The following KAZN variants were observed in gnomAD, a reference collection of about 807,000 sequenced individuals.
KAZN encodes the protein kazrin, periplakin interacting protein.
KAZN carries 40 observed loss-of-function variants against 87.4 expected under a neutral mutation model. That is an observed-to-expected ratio of 0.46 (90% CI 0.36 to 0.60). The LOEUF (loss-of-function observed/expected upper bound fraction) is 0.60, where lower values mean the gene tolerates loss of function less well. Among genes scored for constraint, KAZN ranks in the 20% least tolerant of loss-of-function variants. The probability of loss-of-function intolerance (pLI) is 0.00; values close to 1 mark genes in which losing one functional copy is unlikely to be tolerated. For missense variants in KAZN, 898 were observed against 1,073.9 expected (o/e 0.84, Z 2.29); for synonymous variants, 466 against 458.3 (o/e 1.02, Z -0.22).
chr1:13,925,110 C>G (rs1244468058), intron 1 of KAZN, among the ~76,000 whole-genome samples: 1 of 152,192 alleles, frequency 6.6e-6, no homozygotes, highest in Non-Finnish European at 1.5e-5. Context: ...CGGGCGACCA[C>G]TCATCTGCTT....
intron 2 of KAZN, among the ~76,000 whole-genome samples, chr1:14,508,057 G>C: frequency 6.9e-6 from 1 of 145,024 alleles, no homozygotes; most frequent in Non-Finnish European, 1.6e-5. Flanking sequence ...CAATTCTTGT[G>C]ACCCCCCAGT....
rs150012179 is a variant in KAZN at position 14,302,157 on chromosome 1, G to A, written c.249+121565G>A. Among the ~76,000 whole-genome samples the A allele has an allele frequency of 2.8e-4, 42 of 152,252 alleles. No individual in the cohort carries two copies. In the East Asian group the frequency reaches 3.7e-3, roughly 13 times the overall value. On this transcript the variant is annotated intron_variant, in intron 2 of 16. Transcript: ENST00000636203. The stretch of plus-strand genomic sequence containing the variant: ...ATTGATAATATCTTTCTCTATTTCC[G>A]AACTGACAGCTTCCTCTGAAACCTT...
Position 13,981,091 on chromosome 1 carries a change from A to ATATATATATATATATATATATATATG in KAZN, c.91+87354_91+87355insATATATGTATATATATATATATATAT, listed in dbSNP as rs1308145927. On this transcript the variant is annotated intron_variant, in intron 1 of 16. Coordinates refer to the KAZN transcript ENST00000636203. ...GGAGAGGTATAAAAAATTACTCTTT[A>ATATATATATATATATATATATATATG]TATATATATATATATATATGTATAT... Among the ~76,000 whole-genome samples the ATATATATATATATATATATATATATG allele has an allele frequency of 3.8e-4, 41 of 107,676 alleles. 2 individuals carry two copies. Among genetic ancestry groups the ATATATATATATATATATATATATATG allele is most frequent in the African/African-American group, 1.3e-3 (36 of 26,870 alleles). The allele number at this position is 107,676 out of a possible 152,430, so 70.6% of individuals were successfully genotyped here. A position where few individuals can be genotyped will look rare whatever the true frequency, so the allele number is the denominator to read the frequency against.
chr1:14,453,891 G>A (rs1159272897), intron 2 of KAZN, among the ~76,000 whole-genome samples: 1 of 152,122 alleles, frequency 6.6e-6, no homozygotes, highest in East Asian at 1.9e-4. Flanking sequence ...ATATAAATGG[G>A]GGTAGGAGAG....
At chr1:15,022,135 A>G (rs986000338) in intron 2 of KAZN, among the ~76,000 whole-genome samples, 1 of 152,156 alleles carries the variant, frequency 6.6e-6, no homozygotes, top group African/African-American at 2.4e-5. Flanking sequence ...GCCAAGCCTC[A>G]TGCATCCATG....
At chr1:14,684,378 G>A (rs1048820660) in intron 1 of KAZN, among the ~76,000 whole-genome samples, 13 of 152,260 alleles carry the variant, frequency 8.5e-5, no homozygotes, top group South Asian at 2.1e-4. Context: ...CCTGAATGCC[G>A]TTTTTCCCAT....
At chr1:14,100,363 A>G (rs1380413477) in intron 1 of KAZN, among the ~76,000 whole-genome samples, 1 of 152,196 alleles carries the variant, frequency 6.6e-6, no homozygotes, top group Non-Finnish European at 1.5e-5. Context: ...ACCACCCCCA[A>G]GTGCAGTGGT....
intron 1 of KAZN, among the ~76,000 whole-genome samples, chr1:14,858,958 G>C (rs1016394880): frequency 3.3e-5 from 5 of 152,206 alleles, no homozygotes; most frequent in Middle Eastern, 3.4e-3. Context: ...TGTAATCCCA[G>C]CACTTTGGGA....
At chr1:13,914,318 G>A (rs988305235) in intron 1 of KAZN, among the ~76,000 whole-genome samples, 1 of 152,206 alleles carries the variant, frequency 6.6e-6, no homozygotes, top group Admixed American at 6.5e-5. Flanking sequence ...AGCCCCCTGA[G>A]CATCAATTTC....
intron 1 of KAZN, among the ~76,000 whole-genome samples, chr1:14,627,068 T>C (rs1334865942): frequency 4.0e-5 from 6 of 151,822 alleles, no homozygotes; most frequent in Non-Finnish European, 7.4e-5. Context: ...GATAAAGCAG[T>C]GAACAGACAG....
At chr1:14,995,460 CA>C (rs1196767817) in intron 2 of KAZN, among the ~76,000 whole-genome samples, 8 of 151,944 alleles carry the variant, frequency 5.3e-5, no homozygotes, top group Non-Finnish European at 1.2e-4. Context: ...CCGTCTCTAC[CA>C]AAAATACAAA....
At chr1:14,201,742 C>A (rs1450151678) in intron 2 of KAZN, among the ~76,000 whole-genome samples, 1 of 152,206 alleles carries the variant, frequency 6.6e-6, no homozygotes, top group Non-Finnish European at 1.5e-5. Context: ...GATCTCGGCT[C>A]ACTGCAACCT....
At chr1:13,948,267 A>T (rs1404733517) in intron 1 of KAZN, among the ~76,000 whole-genome samples, 1 of 152,154 alleles carries the variant, frequency 6.6e-6, no homozygotes, top group Non-Finnish European at 1.5e-5. Flanking sequence ...AATTGTAATG[A>T]TCCCCACGTG....
chr1:14,830,026 G>A (rs920970766), intron 1 of KAZN, among the ~76,000 whole-genome samples: 1 of 152,202 alleles, frequency 6.6e-6, no homozygotes, highest in Admixed American at 6.5e-5. Flanking sequence ...TGTGGCTATA[G>A]TAATCACAGT....
chr1:14,876,674 A>G (rs1343497015), intron 1 of KAZN, among the ~76,000 whole-genome samples: 2 of 152,184 alleles, frequency 1.3e-5, no homozygotes, highest in African/African-American at 4.8e-5. Context: ...TAGGATAATG[A>G]TGCTAATGAT....
intron 1 of KAZN, among the ~76,000 whole-genome samples, chr1:14,868,070 A>ACGCAGGCATTTCATC (rs1415175902): frequency 2.0e-5 from 3 of 151,698 alleles, no homozygotes; most frequent in Admixed American, 2.0e-4. Context: ...AGCATTGCAT[A>ACGCAGGCATTTCATC]CACAGGCATC....
Position 15,066,162 on chromosome 1 carries a change from T to A in KAZN, c.1222+409T>A, listed in dbSNP as rs1255060652. On this transcript the variant is annotated intron_variant, in intron 8 of 14. Coordinates refer to ENST00000376030, the MANE Select transcript of KAZN (RefSeq NM_201628.3). The surrounding 1 kb of genome is among the most constrained non-coding windows in gnomAD (Gnocchi z 4.3). Reference sequence around the variant, plus strand: ...CGGTTTGTTTTTGTTTTTGTTTTTTTCCCCCTTTCTCCTCCCCTCCTCCTT... The same window carrying A: ...CGGTTTGTTTTTGTTTTTGTTTTTTACCCCCTTTCTCCTCCCCTCCTCCTT... 9.8e-7 allele frequency: 1 copy of A among 1,018,206 alleles called. No homozygotes were observed. The highest frequency in any genetic ancestry group is 4.6e-5 in the South Asian group (1 of 21,752). The allele number at this position is 1,018,206 out of a possible 1,614,324, so 63.1% of individuals were successfully genotyped here. A position where few individuals can be genotyped will look rare whatever the true frequency, so the allele number is the denominator to read the frequency against.
chr1:14,774,715 C>A (rs1377542066), intron 1 of KAZN, among the ~76,000 whole-genome samples: 1 of 152,082 alleles, frequency 6.6e-6, no homozygotes, highest in Non-Finnish European at 1.5e-5. Context: ...GAACTCCTGA[C>A]CTCAAGTGAT....
chr1:15,110,492 TGTATG>T (rs1397089283), intron 13 of KAZN, among the ~76,000 whole-genome samples: 47 of 17,292 alleles, frequency 2.7e-3, no homozygotes, highest in African/African-American at 6.4e-3. Context: ...TGTGTGTGTA[TGTATG>T]TGTGTGTATT....
Sources: allele counts gnomAD v4.1 joint callset (sites outside exome capture counted in the v4.1 genomes callset), GRCh38; gene constraint gnomAD v4.1.1; non-coding constraint Gnocchi (gnomAD v3.1); transcripts MANE v1.5; gene names NCBI Gene and HGNC (gene_info 2026-07-23, HGNC 2026-07-21).